CDC42BPA: variants seen among roughly 807,000 people sequenced by gnomAD.
CDC42BPA encodes the protein CDC42 binding protein kinase alpha.
CDC42BPA carries 80 observed loss-of-function variants against 223.5 expected under a neutral mutation model. The ratio of observed to expected loss-of-function variants is 0.36; its 90% confidence interval spans 0.30 to 0.43. The LOEUF (loss-of-function observed/expected upper bound fraction) is 0.43. CDC42BPA is among the 20% of genes least tolerant of loss of function. The probability of loss-of-function intolerance (pLI) is 1.00; values close to 1 mark genes in which losing one functional copy is unlikely to be tolerated. For synonymous variants in CDC42BPA, 694 were observed against 718.6 expected, an observed-to-expected ratio of 0.97 and a Z score of 0.55; for missense variants, 1,743 against 2,099.9, an observed-to-expected ratio of 0.83 and a Z score of 3.32.
chr1:227,009,067 T>C (rs1040579714), intron 34 of CDC42BPA, among the ~76,000 whole-genome samples: 7 of 152,160 alleles, frequency 4.6e-5, no homozygotes, highest in East Asian at 1.9e-4. Context: ...TTAAGATACA[T>C]TGATGTTGTC....
chr1:227,167,621 T>C (rs1201453469), intron 5 of CDC42BPA, among the ~76,000 whole-genome samples: 1 of 151,928 alleles, frequency 6.6e-6, no homozygotes, highest in Non-Finnish European at 1.5e-5. Context: ...TGTACCTCAA[T>C]GATCTTTTCC....
At chr1:227,027,141 C>G (rs1231256032) in intron 30 of CDC42BPA, among the ~76,000 whole-genome samples, 1 of 152,070 alleles carries the variant, frequency 6.6e-6, no homozygotes, top group Non-Finnish European at 1.5e-5. Context: ...AGTTAATTCC[C>G]AAGATCTGCA....
In CDC42BPA at chr1:227,168,497, G is replaced by GTTTTTTTTTTTTGTTTTTTTTTTTTTTT. The variant is rs1553374261; in HGVS notation, c.600-7862_600-7861insAAAAAAAAAAAAAAACAAAAAAAAAAAA. Among the ~76,000 whole-genome samples the GTTTTTTTTTTTTGTTTTTTTTTTTTTTT allele has an allele frequency of 1.1e-4, 9 of 80,196 alleles. 1 individual carries two copies. The highest frequency in any genetic ancestry group is 2.0e-4 in the African/African-American group (4 of 20,178). 52.6% of individuals were successfully genotyped at this position (80,196 alleles called of 152,430 possible). On this transcript the variant is annotated intron_variant, in intron 5 of 36. Transcript: ENST00000366766. Reference sequence around the variant, plus strand: ...CTTTTTCATATTTATCTTCCCTGGTGTTTTTTTTTTTTTTTTGAGGCAGAG... The same window carrying GTTTTTTTTTTTTGTTTTTTTTTTTTTTT: ...CTTTTTCATATTTATCTTCCCTGGTGTTTTTTTTTTTTGTTTTTTTTTTTTTTTTTTTTTTTTTTTTTTTGAGGCAGAG...
intron 5 of CDC42BPA, among the ~76,000 whole-genome samples, chr1:227,160,999 C>A (rs1344680646): frequency 3.3e-5 from 5 of 152,260 alleles, no homozygotes; most frequent in South Asian, 2.1e-4. Context: ...TATCCTCTAG[C>A]CCATGAAACT....
At chr1:227,110,862 A>G (rs1048858237) in intron 14 of CDC42BPA, among the ~76,000 whole-genome samples, 8 of 152,250 alleles carry the variant, frequency 5.3e-5, no homozygotes, top group African/African-American at 1.9e-4. Flanking sequence ...ATTTACAGCA[A>G]AGGAATTTGA....
intron 17 of CDC42BPA, among the ~76,000 whole-genome samples, chr1:227,075,561 T>A (rs1448985354): frequency 6.6e-6 from 1 of 152,210 alleles, no homozygotes; most frequent in Non-Finnish European, 1.5e-5. Context: ...TACACATTTT[T>A]ATTGCCTGTT....
rs964942174 is a variant in CDC42BPA, at chr1:226,990,936, G to T, written c.*3332C>A. On this transcript the variant is annotated 3_prime_UTR_variant, in exon 37 of 37. Coordinates refer to ENST00000366766, the MANE Select transcript of CDC42BPA (RefSeq NM_001394014.1). The stretch of plus-strand genomic sequence containing the variant: ...CCAAATAGATGGGCTCCTTTTAGTT[G>T]TATCTCATAGCCTTAAAGCTGTGCT... 6.6e-6 allele frequency: 1 copy of T among 152,650 alleles called. No individual in the cohort carries two copies. The allele number at this position is 152,650 out of a possible 1,614,324, so 9.5% of individuals were successfully genotyped here.
chr1:227,273,556 C>G (rs1233152348), intron 1 of CDC42BPA, among the ~76,000 whole-genome samples: 1 of 148,266 alleles, frequency 6.7e-6, no homozygotes, highest in Admixed American at 6.7e-5. Flanking sequence ...AAACCAACAA[C>G]AACAACAAAA....
At chr1:227,259,232 A>G (rs1400244427) in intron 1 of CDC42BPA, among the ~76,000 whole-genome samples, 1 of 150,942 alleles carries the variant, frequency 6.6e-6, no homozygotes, top group Non-Finnish European at 1.5e-5. Context: ...TAACTGAACC[A>G]ATATGGAAAT....
At chr1:227,080,758 G>A (rs1680465399) in intron 17 of CDC42BPA, 135 bp downstream of exon 17, 2 of 967,210 alleles carry the variant, frequency 2.1e-6, no homozygotes, top group East Asian at 2.4e-5. Context: ...TAATAAAACT[G>A]TGCTTTTCAG....
At chr1:227,164,385 C>T (rs1398705070) in intron 5 of CDC42BPA, among the ~76,000 whole-genome samples, 1 of 152,110 alleles carries the variant, frequency 6.6e-6, no homozygotes, top group Non-Finnish European at 1.5e-5. Flanking sequence ...GTGACACTTC[C>T]CATCTGTATA....
chr1:227,286,961 C>A (rs2148621100), intron 1 of CDC42BPA, among the ~76,000 whole-genome samples: 1 of 152,244 alleles, frequency 6.6e-6, no homozygotes, highest in African/African-American at 2.4e-5. Context: ...AGAACAAACA[C>A]AGTGAGAACT....
chr1:227,239,472 A>C (rs777669140), intron 2 of CDC42BPA, among the ~76,000 whole-genome samples: 6 of 152,156 alleles, frequency 3.9e-5, no homozygotes, highest in Non-Finnish European at 8.8e-5. Flanking sequence ...CAAATGTACC[A>C]TTCTGGTTCA....
At chr1:227,097,745 G>A (rs1233980582) in intron 15 of CDC42BPA, among the ~76,000 whole-genome samples, 2 of 152,162 alleles carry the variant, frequency 1.3e-5, no homozygotes, top group Non-Finnish European at 2.9e-5. Flanking sequence ...ACCAGTCAGG[G>A]AAGAATGCCT....
At chr1:227,205,919 T>C (rs545403582) in intron 3 of CDC42BPA, among the ~76,000 whole-genome samples, 2 of 152,078 alleles carry the variant, frequency 1.3e-5, no homozygotes, top group African/African-American at 4.8e-5. Flanking sequence ...TGTGGTGGCA[T>C]GTGCCTGTAG....
intron 9 of CDC42BPA, 82 bp from the exon 10 acceptor site, chr1:227,139,824 T>G (rs563548522): frequency 2.5e-6 from 2 of 804,226 alleles, no homozygotes. Flanking sequence ...AAAAATTGTT[T>G]TTAACTGACT....
chr1:227,088,146 T>G (rs1348017122), intron 16 of CDC42BPA, among the ~76,000 whole-genome samples: 1 of 152,216 alleles, frequency 6.6e-6, no homozygotes, highest in Non-Finnish European at 1.5e-5. Context: ...CAAATCCTAC[T>G]TCTTATTCTT....
intron 1 of CDC42BPA, among the ~76,000 whole-genome samples, chr1:227,311,898 T>A (rs562668980): frequency 1.1e-4 from 17 of 152,152 alleles, no homozygotes; most frequent in Admixed American, 5.9e-4. Context: ...TACCTTACAC[T>A]CTTTCCCTTC....
At chr1:227,140,681 G>A (rs1161537627) in intron 9 of CDC42BPA, among the ~76,000 whole-genome samples, 1 of 152,160 alleles carries the variant, frequency 6.6e-6, no homozygotes, top group Admixed American at 6.5e-5. Context: ...CTGGAGTTGG[G>A]GATGGGTGGA....
Sources: allele counts gnomAD v4.1 joint callset (sites outside exome capture counted in the v4.1 genomes callset), GRCh38; gene constraint gnomAD v4.1.1; transcripts MANE v1.5; gene names NCBI Gene and HGNC (gene_info 2026-07-23, HGNC 2026-07-21).